Variants in MAP2K5 observed in about 807,000 individuals in gnomAD.
MAP2K5 encodes mitogen-activated protein kinase kinase 5.
MAP2K5 carries 49 observed loss-of-function variants against 83.1 expected under a neutral mutation model. That is an observed-to-expected ratio of 0.59 (90% confidence interval 0.47 to 0.75). The LOEUF (loss-of-function observed/expected upper bound fraction) is 0.75, where lower values mean the gene tolerates loss of function less well. Among genes scored for constraint, MAP2K5 ranks in the 30% least tolerant of loss-of-function variants. MAP2K5 has a pLI of 0.00. For synonymous variants in MAP2K5, 202 were observed against 191.8 expected (o/e 1.05, Z -0.44); for missense variants, 457 against 557.5 (o/e 0.82, Z 1.82).
chr15:67,580,911 A>T (rs2085167293), intron 4 of MAP2K5, 88 bp downstream of exon 4: 6 of 873,418 alleles, frequency 6.9e-6, no homozygotes, highest in Non-Finnish European at 1.1e-5. Flanking sequence ...AAATGCACAT[A>T]ACATGATGTT....
At chr15:67,569,005 C>CAAA (rs71142380) in intron 3 of MAP2K5, among the ~76,000 whole-genome samples, 23 of 91,166 alleles carry the variant, frequency 2.5e-4, no homozygotes, top group African/African-American at 5.1e-4. Context: ...GACTCCATCT[C>CAAA]AAAAAAAAAA....
At chr15:67,771,308 G>A (rs1033204320) in intron 20 of MAP2K5, among the ~76,000 whole-genome samples, 4 of 152,136 alleles carry the variant, frequency 2.6e-5, no homozygotes, top group African/African-American at 9.7e-5. Flanking sequence ...TCTCTGCTCC[G>A]GAGGAGATGT....
At position 67,572,415 on chromosome 15, in the gene MAP2K5, C is replaced by G. The variant is rs1374281956; in HGVS notation, c.253-8339C>G. Among the ~76,000 whole-genome samples, 1 of 152,046 alleles carries G rather than the reference C, an allele frequency of 6.6e-6. No individual in the cohort carries two copies. The highest frequency in any genetic ancestry group is 1.5e-5 in the Non-Finnish European group (1 of 68,010). ...ATCGGAAAGGGGTCCCAATCCAGAC[C>G]CTAAGAGAGAGTTCTTGGATCTTGT... On this transcript the variant is annotated intron_variant, in intron 3 of 21. Coordinates refer to ENST00000178640, the MANE Select transcript of MAP2K5 (RefSeq NM_145160.3). The surrounding 1 kb of genome is among the most constrained non-coding windows in gnomAD (Gnocchi z 4.2).
intron 9 of MAP2K5, chr15:67,641,402 A>G (rs2086707915): frequency 1.6e-6 from 1 of 638,476 alleles, no homozygotes. Context: ...AAAACAGAAT[A>G]GCAGCTTAAT....
chr15:67,599,331 G>A (rs1221003881), intron 7 of MAP2K5, among the ~76,000 whole-genome samples: 2 of 152,154 alleles, frequency 1.3e-5, no homozygotes, highest in African/African-American at 4.8e-5. Flanking sequence ...GCATCAGTCT[G>A]GTTGTACTAC....
chr15:67,737,701 C>T (rs1380994200), intron 17 of MAP2K5, among the ~76,000 whole-genome samples: 3 of 151,990 alleles, frequency 2.0e-5, no homozygotes, highest in Non-Finnish European at 2.9e-5. Context: ...ATGCACAGAG[C>T]CAAGGTGTCA....
intron 8 of MAP2K5, among the ~76,000 whole-genome samples, chr15:67,611,053 T>C (rs562063548): frequency 2.6e-5 from 4 of 152,336 alleles, no homozygotes; most frequent in African/African-American, 9.6e-5. Context: ...ATTTGGAAGA[T>C]ATGTATTGTG....
intron 8 of MAP2K5, among the ~76,000 whole-genome samples, chr15:67,618,911 CA>C (rs2086115135): frequency 6.6e-6 from 1 of 152,160 alleles, no homozygotes; most frequent in Non-Finnish European, 1.5e-5. Flanking sequence ...ACTCAGCAGC[CA>C]AAGTGATCTT....
chr15:67,629,233 T>G (rs536589919), intron 8 of MAP2K5: 1 of 624,768 alleles, frequency 1.6e-6, no homozygotes, highest in Admixed American at 2.1e-5. Context: ...CCAAGCACGG[T>G]GGTGGCAGGG....
At chr15:67,687,139 A>T (rs1429250813) in intron 13 of MAP2K5, among the ~76,000 whole-genome samples, 1 of 152,236 alleles carries the variant, frequency 6.6e-6, no homozygotes, top group African/African-American at 2.4e-5. Flanking sequence ...TTCAAAAAGT[A>T]AAGTGAAATG....
rs1049532906 is a variant in MAP2K5 at position 67,764,483 on chromosome 15, C to T, written c.1135-5119C>T. Among the ~76,000 whole-genome samples, 2 of 152,162 alleles carry T rather than the reference C, an allele frequency of 1.3e-5. No individual in the cohort carries two copies. The highest frequency in any genetic ancestry group is 2.9e-5 in the Non-Finnish European group (2 of 68,032). On this transcript the variant is annotated intron_variant, in intron 19 of 21. Transcript: ENST00000178640. This position sits in a 1 kb window ranked among gnomAD's most constrained non-coding sequence, Gnocchi z 4.9. ...TGCCCTCCTGTTCATCCTGAGTGCC[C>T]AGCTTTGGCAGTCTCACGTGGCCAC...
At chr15:67,656,163 G>A (rs1445819477) in intron 11 of MAP2K5, among the ~76,000 whole-genome samples, 8 of 152,108 alleles carry the variant, frequency 5.3e-5, no homozygotes, top group Admixed American at 5.2e-4. Flanking sequence ...CCGAGCCACA[G>A]ATGAATGAGT....
chr15:67,631,231 G>T (rs1472793720), intron 9 of MAP2K5, among the ~76,000 whole-genome samples: 1 of 152,154 alleles, frequency 6.6e-6, no homozygotes, highest in Non-Finnish European at 1.5e-5. Flanking sequence ...AACCTTACTG[G>T]TAATGTATTC....
rs7182031 is a variant in MAP2K5, at chr15:67,770,540, G to A, written c.1196+877G>A. 4.6e-5 allele frequency among the ~76,000 whole-genome samples: 7 copies of A among 152,236 alleles called. No homozygotes were observed. The East Asian group carries it at 5.8e-4, about 13-fold the overall frequency. ...CCAACCGCAACTCCTTCTTAACTAC[G>A]TTGGTCTTCTTTCCCTCCTTCACCA... On this transcript the variant is annotated intron_variant, in intron 20 of 21. Coordinates refer to ENST00000178640, the MANE Select transcript of MAP2K5 (RefSeq NM_145160.3). This position sits in a 1 kb window ranked among gnomAD's most constrained non-coding sequence, Gnocchi z 5.0.
intron 19 of MAP2K5, among the ~76,000 whole-genome samples, chr15:67,759,887 G>A (rs926610961): frequency 1.3e-4 from 20 of 152,196 alleles, no homozygotes; most frequent in Admixed American, 1.1e-3. Context: ...TAATGACTGA[G>A]GCATTAGAAA....
chr15:67,608,588 A>G (rs1293202488), intron 8 of MAP2K5, among the ~76,000 whole-genome samples: 2 of 152,206 alleles, frequency 1.3e-5, no homozygotes, highest in Non-Finnish European at 2.9e-5. Context: ...AGGAAGGATC[A>G]GGAAAGGCCT....
At chr15:67,695,045 T>C (rs1447765319) in intron 15 of MAP2K5, among the ~76,000 whole-genome samples, 67 of 145,516 alleles carry the variant, frequency 4.6e-4, no homozygotes, top group Non-Finnish European at 5.9e-4. Flanking sequence ...CACTCATAGG[T>C]GGGAATTGAA....
At chr15:67,727,281 G>A (rs1266260990) in intron 16 of MAP2K5, among the ~76,000 whole-genome samples, 1 of 152,166 alleles carries the variant, frequency 6.6e-6, no homozygotes, top group African/African-American at 2.4e-5. Context: ...AGGATTCAAG[G>A]ATCAAAATTA....
rs1292016857 is a variant in MAP2K5 at position 67,722,848 on chromosome 15, T to C, written c.1045-5068T>C. 2.0e-5 allele frequency among the ~76,000 whole-genome samples: 3 copies of C among 152,206 alleles called. No individual in the cohort carries two copies. Among genetic ancestry groups the C allele is most frequent in the Non-Finnish European group, 4.4e-5 (3 of 68,032 alleles). The stretch of plus-strand genomic sequence containing the variant: ...TTAATTGTGTAAAATGTACACAAGG[T>C]AATTAAGAACAAATTTTAGAACATT... On this transcript the variant is annotated intron_variant, in intron 16 of 21. Transcript: ENST00000178640. This position sits in a 1 kb window ranked among gnomAD's most constrained non-coding sequence, Gnocchi z 4.2.
Sources: allele counts gnomAD v4.1 joint callset (sites outside exome capture counted in the v4.1 genomes callset), GRCh38; gene constraint gnomAD v4.1.1; non-coding constraint Gnocchi (gnomAD v3.1); transcripts MANE v1.5; gene names NCBI Gene and HGNC (gene_info 2026-07-23, HGNC 2026-07-21).